Variants in MKLN1 observed in about 807,000 individuals in gnomAD.
MKLN1 encodes the protein muskelin.
A neutral mutation model predicts 99.0 loss-of-function variants in MKLN1; 18 were observed. The ratio of observed to expected loss-of-function variants is 0.18; its 90% CI spans 0.13 to 0.27. The LOEUF (loss-of-function observed/expected upper bound fraction) is 0.27. Ranked by LOEUF, MKLN1 falls within the 10% of genes least tolerant of loss-of-function variation. The pLI, the probability that MKLN1 is intolerant of heterozygous loss-of-function variation, is 1.00. For missense variants in MKLN1, 621 were observed against 875.9 expected, an observed-to-expected ratio of 0.71 and a Z score of 3.67; for synonymous variants, 288 against 293.2, an observed-to-expected ratio of 0.98 and a Z score of 0.18.
chr7:131,305,512 A>G (rs1402065467), intron 3 of MKLN1, among the ~76,000 whole-genome samples: 2 of 152,182 alleles, frequency 1.3e-5, no homozygotes, highest in Non-Finnish European at 1.5e-5. Flanking sequence ...AAGTCATTGT[A>G]TCAGTCAAGG....
chr7:131,281,596 A>G (rs760949566), intron 3 of MKLN1, among the ~76,000 whole-genome samples: 1 of 152,014 alleles, frequency 6.6e-6, no homozygotes, highest in African/African-American at 2.4e-5. Flanking sequence ...TGGAGATTGC[A>G]TTGGATTTCA....
intron 3 of MKLN1, among the ~76,000 whole-genome samples, chr7:131,269,777 AT>A (rs1186032809): frequency 2.6e-5 from 4 of 152,138 alleles, no homozygotes; most frequent in African/African-American, 7.2e-5. Flanking sequence ...TCCCATTGAG[AT>A]TTTAGCTTCC....
intron 17 of MKLN1, among the ~76,000 whole-genome samples, chr7:131,486,409 C>A (rs971489738): frequency 6.6e-6 from 1 of 152,068 alleles, no homozygotes. Context: ...AACATTCTCC[C>A]TCAAACTTAA....
At chr7:131,120,462 TG>T (rs1258516328) in intron 1 of MKLN1, among the ~76,000 whole-genome samples, 1 of 139,680 alleles carries the variant, frequency 7.2e-6, no homozygotes, top group African/African-American at 2.7e-5. Context: ...GGCAAGAGAA[TG>T]GCGTGAACCC....
At chr7:131,217,958 G>A (rs1797007539) in intron 3 of MKLN1, among the ~76,000 whole-genome samples, 1 of 152,170 alleles carries the variant, frequency 6.6e-6, no homozygotes, top group Admixed American at 6.5e-5. Context: ...CCAAATGGAA[G>A]GACAGGAGAT....
At chr7:131,211,194 A>G (rs2116432160) in intron 3 of MKLN1, among the ~76,000 whole-genome samples, 1 of 152,312 alleles carries the variant, frequency 6.6e-6, no homozygotes, top group South Asian at 2.1e-4. Context: ...AAAAATCAGC[A>G]ACTATAAACC....
In MKLN1 at chr7:131,495,472, T is replaced by A. The variant is rs1456035945; in HGVS notation, c.*7744T>A. ...TGATTGTCAAAATAGGTTTATCATT[T>A]AAAAAACTAGGAAATTACTAAGTAT... is the stretch of plus-strand genomic sequence containing the variant. On this transcript the variant is annotated 3_prime_UTR_variant, in exon 18 of 18. Transcript: ENST00000352689. 1 of 152,178 alleles carries A rather than the reference T, an allele frequency of 6.6e-6. No individual in the cohort carries two copies. The allele number at this position is 152,178 out of a possible 1,614,324, so 9.4% of individuals were successfully genotyped here. A position where few individuals can be genotyped will look rare whatever the true frequency, so the allele number is the denominator to read the frequency against.
At chr7:131,160,994 C>T (rs1309090121) in intron 2 of MKLN1, among the ~76,000 whole-genome samples, 2 of 152,080 alleles carry the variant, frequency 1.3e-5, no homozygotes, top group Non-Finnish European at 2.9e-5. Flanking sequence ...TAAGTCAGTA[C>T]CCTGAAGGTC....
chr7:131,319,020 A>T (rs1028219944), intron 3 of MKLN1, among the ~76,000 whole-genome samples: 2 of 152,200 alleles, frequency 1.3e-5, no homozygotes, highest in African/African-American at 4.8e-5. Context: ...AGAGGTACAA[A>T]GAGGAGCTGG....
In MKLN1 at chr7:131,429,198, C is replaced by G. The variant is rs1795450825; in HGVS notation, c.960+53C>G. On this transcript the variant is annotated intron_variant, in intron 9 of 17. Coordinates refer to ENST00000352689, the MANE Select transcript of MKLN1 (RefSeq NM_013255.5). ...ATATTACAGAAGGGGCGTAGATGTGCACTTGTTTTTCGGCATGATTATATT... is the reference window on the plus strand; with the variant it reads ...ATATTACAGAAGGGGCGTAGATGTGGACTTGTTTTTCGGCATGATTATATT... The G allele has an allele frequency of 5.8e-6, 7 of 1,201,552 alleles. No individual in the cohort carries two copies. The Admixed American group carries it at 1.4e-4, about 23-fold the overall frequency. The allele number at this position is 1,201,552 out of a possible 1,614,324, so 74.4% of individuals were successfully genotyped here.
chr7:131,115,232 C>T (rs1795256574), intron 1 of MKLN1, among the ~76,000 whole-genome samples: 2 of 152,186 alleles, frequency 1.3e-5, no homozygotes, highest in African/African-American at 2.4e-5. Context: ...TAGAATTCTT[C>T]ATTCTCTCAG....
rs933415959 is a variant in MKLN1 at position 131,492,860 on chromosome 7, G to A, written c.*5132G>A. On this transcript the variant is annotated 3_prime_UTR_variant, in exon 18 of 18. Transcript: ENST00000352689. Reference sequence around the variant, plus strand: ...TAGCCCTTAACCTAAGGAGTCATTAGAGGTTATAGTAAATTAGTTTCTCTA... The same window carrying A: ...TAGCCCTTAACCTAAGGAGTCATTAAAGGTTATAGTAAATTAGTTTCTCTA... 3 of 152,020 alleles carry A rather than the reference G, an allele frequency of 2.0e-5. No homozygotes were observed. Among genetic ancestry groups the A allele is most frequent in the Admixed American group, 6.6e-5 (1 of 15,252 alleles). The allele number at this position is 152,020 out of a possible 1,614,324, so 9.4% of individuals were successfully genotyped here.
At chr7:131,245,584 A>G (rs1026452568) in intron 3 of MKLN1, among the ~76,000 whole-genome samples, 11 of 152,006 alleles carry the variant, frequency 7.2e-5, no homozygotes, top group Admixed American at 7.2e-4. Flanking sequence ...CCGGCCCTAT[A>G]CTGTCTTTTT....
At chr7:131,290,256 G>T (rs1798197470) in intron 3 of MKLN1, among the ~76,000 whole-genome samples, 1 of 152,182 alleles carries the variant, frequency 6.6e-6, no homozygotes, top group Non-Finnish European at 1.5e-5. Flanking sequence ...AGTGAGCCGA[G>T]ATCGCACCAT....
At chr7:131,163,711 A>G (rs1796085746) in intron 2 of MKLN1, among the ~76,000 whole-genome samples, 1 of 152,214 alleles carries the variant, frequency 6.6e-6, no homozygotes, top group African/African-American at 2.4e-5. Context: ...TCTCTAAAAT[A>G]TATATTTTAA....
intron 3 of MKLN1, among the ~76,000 whole-genome samples, chr7:131,282,433 C>T (rs758877006): frequency 4.6e-5 from 7 of 150,662 alleles, no homozygotes; most frequent in Non-Finnish European, 7.4e-5. Flanking sequence ...AAAAGTAAGA[C>T]ATAAACTTAT....
intron 12 of MKLN1, among the ~76,000 whole-genome samples, chr7:131,457,617 GAAAAAT>G (rs1465980499): frequency 1.3e-5 from 2 of 152,084 alleles, no homozygotes; most frequent in African/African-American, 4.8e-5. Context: ...CAGAAGGAAA[GAAAAAT>G]AAAAATTTAA....
chr7:131,312,706 C>A (rs1215481075), intron 3 of MKLN1, among the ~76,000 whole-genome samples: 1 of 152,158 alleles, frequency 6.6e-6, no homozygotes, highest in Non-Finnish European at 1.5e-5. Context: ...TTTACATCTT[C>A]TTTATATGCT....
chr7:131,188,515 C>A (rs1796485429), intron 2 of MKLN1, among the ~76,000 whole-genome samples: 2 of 152,204 alleles, frequency 1.3e-5, no homozygotes, highest in Admixed American at 1.3e-4. Context: ...GTCTCATCCT[C>A]CAGCCGGCTA....
Sources: allele counts gnomAD v4.1 joint callset (sites outside exome capture counted in the v4.1 genomes callset), GRCh38; gene constraint gnomAD v4.1.1; transcripts MANE v1.5; gene names NCBI Gene and HGNC (gene_info 2026-07-23, HGNC 2026-07-21).